HSD17B13: variants seen among roughly 807,000 people sequenced by gnomAD.
HSD17B13 encodes hydroxysteroid 17-beta dehydrogenase 13.
In HSD17B13, 26 loss-of-function variants were observed where a neutral mutation model predicts 31.1. That is an observed-to-expected ratio of 0.84 (90% CI 0.61 to 1.16). The LOEUF is 1.16. HSD17B13 is among the 50% of genes most tolerant of loss of function. The pLI, the probability that HSD17B13 is intolerant of heterozygous loss-of-function variation, is 0.00. For synonymous variants in HSD17B13, 141 were observed against 133.7 expected, an observed-to-expected ratio of 1.05 and a Z score of -0.38; for missense variants, 374 against 366.5, an observed-to-expected ratio of 1.02 and a Z score of -0.17.
chr4:87,314,622 TTC>T (rs551629239), intron 4 of HSD17B13, among the ~76,000 whole-genome samples: 185 of 142,946 alleles, frequency 1.3e-3, no homozygotes, highest in Non-Finnish European at 1.5e-3. Flanking sequence ...TAGAGTCGTT[TTC>T]TCTCTCTCTC....
Position 87,317,140 on chromosome 4 carries a change from A to C in HSD17B13, c.402T>G (p.Asp134Glu). ...VYPADLLSTK[D>E]EEITKTFEVN... is the part of the protein sequence containing the mutation. ...CCTCAAATGTCTTGGTAATCTCTTC[A>C]TCCTTGGTGCTGAGAAGATCGGCTG... The change falls in exon 3 of 7, where the codon GAT becomes GAG. Residue 134 changes from aspartate (D) to glutamate (E), a missense_variant. Coordinates refer to ENST00000328546, the MANE Select transcript of HSD17B13 (RefSeq NM_178135.5). 1.2e-6 allele frequency: 2 copies of C among 1,614,080 alleles called. No individual in the cohort carries two copies. The highest frequency in any genetic ancestry group is 1.7e-6 in the Non-Finnish European group (2 of 1,179,932).
At chr4:87,306,178 T>C (rs1031059120) in intron 6 of HSD17B13, among the ~76,000 whole-genome samples, 2 of 152,180 alleles carry the variant, frequency 1.3e-5, no homozygotes, top group Non-Finnish European at 2.9e-5. Flanking sequence ...ATAGTTCAAA[T>C]TGGATGCAAA....
In HSD17B13 at chr4:87,318,409, A is replaced by G. The variant is rs201623474; in HGVS notation, c.238T>C (p.Cys80Arg). The G allele has an allele frequency of 1.1e-5, 18 of 1,614,184 alleles. No individual in the cohort carries two copies. The Admixed American group carries it at 2.7e-4, about 24-fold the overall frequency. The change falls in exon 2 of 7, where the codon TGC becomes CGC. Residue 80 changes from cysteine (C) to arginine (R), a missense_variant. Transcript: ENST00000328546. ...KRGVEETAAE[C>R]RKLGVTAHAY... is the part of the protein sequence containing the mutation. ...TGCGCAGTGACGCCTAGTTTTCGGC[A>G]CTCAGCTGCAGTTTCCTCCACACCG... is the stretch of plus-strand genomic sequence containing the variant.
chr4:87,313,383 C>T (rs911314550), intron 5 of HSD17B13, among the ~76,000 whole-genome samples: 2 of 152,152 alleles, frequency 1.3e-5, no homozygotes, highest in African/African-American at 2.4e-5. Context: ...GCTTAATTTT[C>T]GGGTTCTTAT....
chr4:87,308,321 G>T (rs1387312633), intron 6 of HSD17B13, among the ~76,000 whole-genome samples: 1 of 151,642 alleles, frequency 6.6e-6, no homozygotes, highest in African/African-American at 2.4e-5. Context: ...CAAAACCTTT[G>T]TTGCCTGGGC....
Position 87,305,115 on chromosome 4 carries a change from A to T in HSD17B13, c.*103T>A. 1 of 603,054 alleles carries T rather than the reference A, an allele frequency of 1.7e-6. No homozygotes were observed. Among genetic ancestry groups the T allele is most frequent in the Non-Finnish European group, 2.6e-6 (1 of 382,350 alleles). The allele number at this position is 603,054 out of a possible 1,614,324, so 37.4% of individuals were successfully genotyped here. ...CTGCTAGTGCCAAACCAATGTTTTT[A>T]ATATTATCAGGACTGAAAAAATGTG... is the stretch of plus-strand genomic sequence containing the variant. On this transcript the variant is annotated 3_prime_UTR_variant, in exon 7 of 7. Coordinates refer to ENST00000328546, the MANE Select transcript of HSD17B13 (RefSeq NM_178135.5).
chr4:87,321,694 A>G (rs964697163), intron 1 of HSD17B13, among the ~76,000 whole-genome samples: 3 of 152,202 alleles, frequency 2.0e-5, no homozygotes, highest in Admixed American at 6.5e-5. Context: ...TTTTTTGTAT[A>G]GTATTCTTCA....
intron 1 of HSD17B13, among the ~76,000 whole-genome samples, chr4:87,319,300 C>CAAACA (rs59346205): frequency 0.17 from 25,734 of 152,044 alleles, 2,332 homozygotes; most frequent in South Asian, 0.28. Context: ...AAAACCAAAA[C>CAAACA]AAACAAAACA....
chr4:87,306,785 T>A (rs1006188245), intron 6 of HSD17B13, among the ~76,000 whole-genome samples: 2 of 151,742 alleles, frequency 1.3e-5, no homozygotes, highest in Non-Finnish European at 2.9e-5. Context: ...CACATGCCTG[T>A]AATCCCAGCT....
chr4:87,315,979 A>G (rs574880692), intron 3 of HSD17B13, among the ~76,000 whole-genome samples: 6 of 152,320 alleles, frequency 3.9e-5, no homozygotes, highest in African/African-American at 1.2e-4. Flanking sequence ...CATTCTAATT[A>G]AAAGAGTGAA....
chr4:87,318,797 CAAAA>C (rs1158406945), intron 1 of HSD17B13, among the ~76,000 whole-genome samples: 3 of 83,522 alleles, frequency 3.6e-5, no homozygotes. Flanking sequence ...GACTCTGTCT[CAAAA>C]AAAAAAAAAA....
chr4:87,313,827 T>TG lies in HSD17B13; in HGVS notation c.690dup (p.Thr231HisfsTer11), dbSNP rs1692399502. The TG allele has an allele frequency of 1.9e-6, 3 of 1,611,572 alleles. No homozygotes were observed. Among genetic ancestry groups the TG allele is most frequent in the African/African-American group, 2.7e-5 (2 of 74,794 alleles). On this transcript the variant is annotated frameshift_variant, in exon 5 of 7. Coordinates refer to ENST00000328546, the MANE Select transcript of HSD17B13 (RefSeq NM_178135.5). LOFTEE classifies it high-confidence loss of function. Reference sequence around the variant, plus strand: ...CTAACTTGATTTTGACCTTACCTTGTGCTTGGATTTTTGGTGAACCCAGTA... The same window carrying TG: ...CTAACTTGATTTTGACCTTACCTTGTGGCTTGGATTTTTGGTGAACCCAGTA...
rs554708029 is a variant in HSD17B13 at position 87,312,787 on chromosome 4, T to C, written c.695+1036A>G. On this transcript the variant is annotated intron_variant, in intron 5 of 6. Transcript: ENST00000328546. ...AAAAACTTATTTTTTTGGCCGGGCATGGTGGCTCACTCCTGTAATCCCAGC... is the reference window on the plus strand; with the variant it reads ...AAAAACTTATTTTTTTGGCCGGGCACGGTGGCTCACTCCTGTAATCCCAGC... Among the ~76,000 whole-genome samples, 5 of 151,978 alleles carry C rather than the reference T, an allele frequency of 3.3e-5. No homozygotes were observed. The South Asian group carries it at 1.0e-3, about 32-fold the overall frequency.
Position 87,317,227 on chromosome 4 carries a change from T to C in HSD17B13, c.319-4A>G, listed in dbSNP as rs1734671564. On this transcript the variant is annotated splice_region_variant and splice_polypyrimidine_tract_variant and intron_variant, in intron 2 of 6. Coordinates refer to ENST00000328546, the MANE Select transcript of HSD17B13 (RefSeq NM_178135.5). ...CATCACCCACTTCTTTCTTCACCTTTTGAAATTGAAAGAACACTTTCACTG... is the reference window on the plus strand; with the variant it reads ...CATCACCCACTTCTTTCTTCACCTTCTGAAATTGAAAGAACACTTTCACTG... 5 of 1,613,924 alleles carry C rather than the reference T, an allele frequency of 3.1e-6. No individual in the cohort carries two copies. The highest frequency in any genetic ancestry group is 4.2e-6 in the Non-Finnish European group (5 of 1,179,856).
intron 3 of HSD17B13, 61 bp downstream of exon 3, chr4:87,317,031 T>C (rs1734664684): frequency 6.5e-7 from 1 of 1,545,128 alleles, no homozygotes; most frequent in African/African-American, 1.4e-5. Flanking sequence ...AACTCCGTTA[T>C]AAGTTTCATG....
rs1734561346 is a variant in HSD17B13 at position 87,312,706 on chromosome 4, G to GT, written c.695+1116dup. Among the ~76,000 whole-genome samples the GT allele has an allele frequency of 4.0e-5, 6 of 150,834 alleles. No homozygotes were observed. In the South Asian group the frequency reaches 1.1e-3, roughly 27 times the overall value. ...CACCACGCCCGGCTAATTTTTTTGT[G>GT]TTTTTTAGTAGAGACGGGGTTTCAC... On this transcript the variant is annotated intron_variant, in intron 5 of 6. Transcript: ENST00000328546.
At position 87,305,207 on chromosome 4, in the gene HSD17B13, A is replaced by G; in HGVS notation, c.*11T>C. 6.5e-7 allele frequency: 1 copy of G among 1,538,980 alleles called. No individual in the cohort carries two copies. Among genetic ancestry groups the G allele is most frequent in the Non-Finnish European group, 8.9e-7 (1 of 1,118,934 alleles). On this transcript the variant is annotated 3_prime_UTR_variant, in exon 7 of 7. Coordinates refer to ENST00000328546, the MANE Select transcript of HSD17B13 (RefSeq NM_178135.5). Reference sequence around the variant, plus strand: ...TTATCATGCATACATCTCTGGCTGGAGCTTATTTATTCATTTCATTTTGAT... The same window carrying G: ...TTATCATGCATACATCTCTGGCTGGGGCTTATTTATTCATTTCATTTTGAT...
rs1056457185 is a variant in HSD17B13 at position 87,304,356 on chromosome 4, T to C, written c.*862A>G. ...AACAAAACAAAAACCAAAAAACCTT[T>C]CTTTCTTCCTTTTCTTCTCTTGGGT... is the stretch of plus-strand genomic sequence containing the variant. On this transcript the variant is annotated 3_prime_UTR_variant, in exon 7 of 7. Transcript: ENST00000328546. The C allele has an allele frequency of 1.9e-5, 3 of 154,254 alleles. No homozygotes were observed. The highest frequency in any genetic ancestry group is 7.2e-5 in the African/African-American group (3 of 41,444). The allele number at this position is 154,254 out of a possible 1,614,324, so 9.6% of individuals were successfully genotyped here.
chr4:87,320,179 G>A (rs1734747445), intron 1 of HSD17B13, among the ~76,000 whole-genome samples: 1 of 152,122 alleles, frequency 6.6e-6, no homozygotes, highest in Admixed American at 6.6e-5. Flanking sequence ...CTCAAAGTCA[G>A]TATCCCCTCA....
Sources: allele counts gnomAD v4.1 joint callset (sites outside exome capture counted in the v4.1 genomes callset), GRCh38; gene constraint gnomAD v4.1.1; transcripts MANE v1.5; gene names NCBI Gene and HGNC (gene_info 2026-07-23, HGNC 2026-07-21).